ARHGAP26: variants seen among roughly 807,000 people sequenced by gnomAD.
The protein encoded by ARHGAP26 is Rho GTPase activating protein 26, also known as rho GTPase-activating protein 26.
Under a neutral mutation model 104.8 loss-of-function variants are expected in ARHGAP26, and 38 were observed. That is an observed-to-expected ratio of 0.36 (90% confidence interval 0.28 to 0.48). ARHGAP26 has a LOEUF of 0.48. Ranked by LOEUF, ARHGAP26 falls within the 20% of genes least tolerant of loss-of-function variation. The pLI is 0.99. For missense variants in ARHGAP26, 704 were observed against 947.9 expected, an observed-to-expected ratio of 0.74 and a Z score of 3.38; for synonymous variants, 341 against 340.0, an observed-to-expected ratio of 1.00 and a Z score of -0.03.
At chr5:143,090,606 G>A (rs768164610) in intron 17 of ARHGAP26, among the ~76,000 whole-genome samples, 21 of 152,288 alleles carry the variant, frequency 1.4e-4, no homozygotes, top group Non-Finnish European at 2.8e-4. Flanking sequence ...CCCCATAGAA[G>A]AAGGGAACTG....
intron 17 of ARHGAP26, among the ~76,000 whole-genome samples, chr5:143,085,412 A>G (rs1790445688): frequency 6.6e-6 from 1 of 152,108 alleles, no homozygotes; most frequent in African/African-American, 2.4e-5. Context: ...AGTTGAGAAA[A>G]AAGAGGGGGA....
At chr5:143,029,557 A>G (rs1189500754) in intron 12 of ARHGAP26, among the ~76,000 whole-genome samples, 1 of 150,668 alleles carries the variant, frequency 6.6e-6, no homozygotes, top group Non-Finnish European at 1.5e-5. Context: ...GGTTCACACC[A>G]CCATGCCCAG....
At chr5:143,026,542 G>A (rs1235451060) in intron 12 of ARHGAP26, among the ~76,000 whole-genome samples, 1 of 152,144 alleles carries the variant, frequency 6.6e-6, no homozygotes, top group East Asian at 1.9e-4. Context: ...TGACCAACAT[G>A]TGCAGAGGCC....
intron 1 of ARHGAP26, among the ~76,000 whole-genome samples, chr5:142,820,718 T>C (rs1331479699): frequency 2.6e-5 from 4 of 152,226 alleles, no homozygotes; most frequent in Non-Finnish European, 5.9e-5. Flanking sequence ...TGAATGGATC[T>C]TGATCTTTGC....
At chr5:142,815,494 T>C (rs1450328239) in intron 1 of ARHGAP26, among the ~76,000 whole-genome samples, 2 of 152,282 alleles carry the variant, frequency 1.3e-5, no homozygotes, top group African/African-American at 2.4e-5. Context: ...TGTTTTGTTA[T>C]AAATCTAAGG....
chr5:142,948,204 T>C (rs1270066667), intron 11 of ARHGAP26, among the ~76,000 whole-genome samples: 1 of 152,080 alleles, frequency 6.6e-6, no homozygotes, highest in African/African-American at 2.4e-5. Context: ...AACCATATAC[T>C]AAATGTCACA....
At chr5:143,047,593 C>T (rs1784402542) in intron 14 of ARHGAP26, among the ~76,000 whole-genome samples, 1 of 152,170 alleles carries the variant, frequency 6.6e-6, no homozygotes, top group Admixed American at 6.5e-5. Flanking sequence ...GGAGACTATG[C>T]TACACCCCAC....
intron 1 of ARHGAP26, among the ~76,000 whole-genome samples, chr5:142,851,391 C>T (rs1751499053): frequency 6.6e-6 from 1 of 152,188 alleles, no homozygotes; most frequent in African/African-American, 2.4e-5. Context: ...GCCGCTGCGC[C>T]CAGCCGGAAA....
intron 1 of ARHGAP26, among the ~76,000 whole-genome samples, chr5:142,775,336 G>T (rs1756093417): frequency 6.6e-6 from 1 of 151,988 alleles, no homozygotes; most frequent in Non-Finnish European, 1.5e-5. Context: ...AAAAAATTTA[G>T]CTATTTCCTT....
At chr5:143,032,053 G>T (rs796508590) in intron 12 of ARHGAP26, among the ~76,000 whole-genome samples, 15 of 152,318 alleles carry the variant, frequency 9.8e-5, no homozygotes, top group African/African-American at 3.4e-4. Context: ...GTGTTCACGT[G>T]TTCTCTAGAG....
intron 1 of ARHGAP26, among the ~76,000 whole-genome samples, chr5:142,835,693 A>G (rs1274319058): frequency 1.3e-5 from 2 of 152,176 alleles, no homozygotes; most frequent in African/African-American, 2.4e-5. Flanking sequence ...TGAGCTTAGT[A>G]CTTTTCACAC....
At chr5:143,217,728 T>G (rs1810551713) in intron 22 of ARHGAP26, among the ~76,000 whole-genome samples, 1 of 152,210 alleles carries the variant, frequency 6.6e-6, no homozygotes. Context: ...CCATCTTCGC[T>G]GCCACGCCCA....
intron 11 of ARHGAP26, among the ~76,000 whole-genome samples, chr5:142,996,199 A>C (rs1776356267): frequency 6.6e-6 from 1 of 152,214 alleles, no homozygotes; most frequent in African/African-American, 2.4e-5. Flanking sequence ...ATAAAAAATG[A>C]AAATAGGTTT....
intron 6 of ARHGAP26, among the ~76,000 whole-genome samples, chr5:142,894,642 A>AG (rs1481344249): frequency 2.0e-5 from 3 of 152,328 alleles, no homozygotes; most frequent in African/African-American, 7.2e-5. Context: ...GGGAGTCCAG[A>AG]GGGGAGGGGT....
intron 15 of ARHGAP26, among the ~76,000 whole-genome samples, chr5:143,055,381 A>G (rs1416899409): frequency 2.4e-4 from 37 of 152,212 alleles, no homozygotes; most frequent in Non-Finnish European, 1.5e-4. Flanking sequence ...GTTAACTAAA[A>G]CTAGGAGTCG....
At chr5:142,886,933 G>T (rs1042986368) in intron 5 of ARHGAP26, among the ~76,000 whole-genome samples, 1 of 152,170 alleles carries the variant, frequency 6.6e-6, no homozygotes, top group Non-Finnish European at 1.5e-5. Flanking sequence ...AAGCTTTTTG[G>T]CTGTGCTTCA....
At chr5:143,062,661 TA>T (rs895216534) in intron 17 of ARHGAP26, among the ~76,000 whole-genome samples, 2 of 151,766 alleles carry the variant, frequency 1.3e-5, no homozygotes, top group Non-Finnish European at 2.9e-5. Context: ...CTTGTGGTTA[TA>T]AAAAAAAGTC....
At chr5:142,794,483 G>A (rs1254085731) in intron 1 of ARHGAP26, among the ~76,000 whole-genome samples, 1 of 152,202 alleles carries the variant, frequency 6.6e-6, no homozygotes, top group Non-Finnish European at 1.5e-5. Context: ...ATATAGCATG[G>A]TTGTTACCCA....
chr5:143,175,089 A>G (rs1202452039), intron 20 of ARHGAP26, among the ~76,000 whole-genome samples: 1 of 152,236 alleles, frequency 6.6e-6, no homozygotes, highest in Non-Finnish European at 1.5e-5. Flanking sequence ...TCTTTTCCCC[A>G]CATAAAAGGA....
Sources: allele counts gnomAD v4.1 joint callset (sites outside exome capture counted in the v4.1 genomes callset), GRCh38; gene constraint gnomAD v4.1.1; transcripts MANE v1.5; gene names NCBI Gene and HGNC (gene_info 2026-07-23, HGNC 2026-07-21).